Variants in OTUD7A observed in about 807,000 individuals in gnomAD.
OTUD7A encodes OTU domain-containing protein 7A.
A neutral mutation model predicts 65.7 loss-of-function variants in OTUD7A; 12 were observed. The ratio of observed to expected loss-of-function variants is 0.18; its 90% CI spans 0.12 to 0.30. The LOEUF (loss-of-function observed/expected upper bound fraction) is 0.30. Among genes scored for constraint, OTUD7A ranks in the 10% least tolerant of loss-of-function variants. OTUD7A has a pLI of 1.00. For synonymous variants in OTUD7A, 641 were observed against 586.3 expected (o/e 1.09, Z -1.35); for missense variants, 1,148 against 1,304.8 (o/e 0.88, Z 1.85).
At chr15:31,605,960 A>G (rs1890227705) in intron 3 of OTUD7A, among the ~76,000 whole-genome samples, 1 of 152,218 alleles carries the variant, frequency 6.6e-6, no homozygotes, top group Non-Finnish European at 1.5e-5. Flanking sequence ...AAATGCCAAC[A>G]TCAACAGGCC....
chr15:31,613,955 G>A (rs1890507084), intron 3 of OTUD7A, among the ~76,000 whole-genome samples: 1 of 152,134 alleles, frequency 6.6e-6, no homozygotes, highest in African/African-American at 2.4e-5. Context: ...ATACACAATG[G>A]AATATTACTC....
chr15:31,715,272 A>C, intron 1 of OTUD7A, among the ~76,000 whole-genome samples: 1 of 147,944 alleles, frequency 6.8e-6, no homozygotes, highest in Non-Finnish European at 1.5e-5. Flanking sequence ...TCGCTGTTCC[A>C]CCTCTGCAGC....
At chr15:31,869,552 T>C (rs1897969747) in intron 1 of OTUD7A, among the ~76,000 whole-genome samples, 1 of 152,260 alleles carries the variant, frequency 6.6e-6, no homozygotes, top group Admixed American at 6.5e-5. Flanking sequence ...ATGTCATACA[T>C]GACTTTCCCC....
chr15:31,855,811 T>G (rs1897557378), intron 1 of OTUD7A, among the ~76,000 whole-genome samples: 1 of 152,192 alleles, frequency 6.6e-6, no homozygotes, highest in African/African-American at 2.4e-5. Flanking sequence ...AAATGCAACA[T>G]TAATAAACAG....
At position 31,511,983 on chromosome 15, in the gene OTUD7A, C is replaced by T. The variant is rs560802752; in HGVS notation, c.894-8165G>A. Among the ~76,000 whole-genome samples, 8 of 152,158 alleles carry T rather than the reference C, an allele frequency of 5.3e-5. No individual in the cohort carries two copies. In the South Asian group the frequency reaches 1.7e-3, roughly 32 times the overall value. ...TTTTACCTTTTTTTAACCTTTAAGA[C>T]ATCCTGGCTAAGAAATATTTTACCA... On this transcript the variant is annotated intron_variant, in intron 8 of 12. Transcript: ENST00000307050.
intron 1 of OTUD7A, among the ~76,000 whole-genome samples, chr15:31,703,555 T>C (rs1325941918): frequency 6.6e-6 from 1 of 151,648 alleles, no homozygotes; most frequent in Non-Finnish European, 1.5e-5. Flanking sequence ...ACAGCAAAAA[T>C]AAAAAACAGT....
chr15:31,814,397 T>G (rs1567037368), intron 1 of OTUD7A, among the ~76,000 whole-genome samples: 1 of 152,170 alleles, frequency 6.6e-6, no homozygotes, highest in Non-Finnish European at 1.5e-5. Context: ...CCAACAGCAC[T>G]GATGATGACC....
At chr15:31,574,697 T>C (rs1252859478) in intron 3 of OTUD7A, among the ~76,000 whole-genome samples, 1 of 152,240 alleles carries the variant, frequency 6.6e-6, no homozygotes, top group Non-Finnish European at 1.5e-5. Context: ...CGCTTTGACA[T>C]CTTGGGGCCT....
chr15:31,805,595 T>C (rs1237608239), intron 1 of OTUD7A, among the ~76,000 whole-genome samples: 1 of 152,252 alleles, frequency 6.6e-6, no homozygotes, highest in South Asian at 2.1e-4. Context: ...TATTTGGAAC[T>C]GACAGATTTG....
chr15:31,516,903 G>T (rs917064194), intron 8 of OTUD7A, among the ~76,000 whole-genome samples: 1 of 152,188 alleles, frequency 6.6e-6, no homozygotes, highest in African/African-American at 2.4e-5. Context: ...CTTTGAACTT[G>T]CTTCCCATTG....
chr15:31,483,568 C>T lies in OTUD7A; in HGVS notation c.2528G>A (p.Gly843Asp). ...GGCCGCCCCCGCCGTCCCCGCCGCG[C>T]CCGGTAGGGCCCCGGGCACCGCGCG... ...LARAVPGALP[G>D]AAGTAGAAEH... Residue 843 changes from glycine (G) to aspartate (D), a missense_variant, in exon 13 of 13, where the codon GGC (glycine) becomes GAC (aspartate). Around this residue, in one of 6 missense-constraint regions of OTUD7A, gnomAD observed 842 missense variants for 769.5 expected, o/e 1.09. Coordinates refer to ENST00000307050, the MANE Select transcript of OTUD7A (RefSeq NM_001382637.1). 7.7e-7 allele frequency: 1 copy of T among 1,291,692 alleles called. No homozygotes were observed. Among genetic ancestry groups the T allele is most frequent in the East Asian group, 3.5e-5 (1 of 28,470 alleles). 80.0% of individuals were successfully genotyped at this position (1,291,692 alleles called of 1,614,324 possible).
chr15:31,767,186 T>C, intron 1 of OTUD7A: 1 of 1,147,608 alleles, frequency 8.7e-7, no homozygotes, highest in East Asian at 2.3e-5. Context: ...TCAAATTGTT[T>C]AAGTGAAGGA....
At chr15:31,755,009 G>C (rs935739625) in intron 1 of OTUD7A, among the ~76,000 whole-genome samples, 1 of 151,838 alleles carries the variant, frequency 6.6e-6, no homozygotes, top group East Asian at 1.9e-4. Context: ...GAGACAGAGA[G>C]AGAGAGAGAG....
intron 1 of OTUD7A, chr15:31,768,318 T>C (rs934921701): frequency 3.2e-6 from 2 of 630,534 alleles, no homozygotes; most frequent in African/African-American, 3.7e-5. Context: ...TTGTATAGCA[T>C]AGAGGGCTGC....
At chr15:31,801,234 G>A (rs1274698390) in intron 1 of OTUD7A, among the ~76,000 whole-genome samples, 2 of 152,198 alleles carry the variant, frequency 1.3e-5, no homozygotes, top group East Asian at 1.9e-4. Context: ...AGTCGGCCTC[G>A]AACCCCAGGC....
At chr15:31,785,002 C>T (rs574734317) in intron 1 of OTUD7A, among the ~76,000 whole-genome samples, 1 of 152,278 alleles carries the variant, frequency 6.6e-6, no homozygotes, top group Admixed American at 6.5e-5. Context: ...ATACAGATAA[C>T]ACGAACACAT....
intron 1 of OTUD7A, among the ~76,000 whole-genome samples, chr15:31,832,463 T>C: frequency 6.6e-6 from 1 of 152,172 alleles, no homozygotes; most frequent in East Asian, 1.9e-4. Flanking sequence ...ATATTATACA[T>C]AACATAAAAT....
At chr15:31,787,169 T>C (rs1454109581) in intron 1 of OTUD7A, among the ~76,000 whole-genome samples, 3 of 152,176 alleles carry the variant, frequency 2.0e-5, no homozygotes, top group Middle Eastern at 3.4e-3. Context: ...CTAGACACTG[T>C]TTTTCTGAAC....
At chr15:31,860,781 T>C (rs558644527) in intron 1 of OTUD7A, among the ~76,000 whole-genome samples, 3 of 147,050 alleles carry the variant, frequency 2.0e-5, no homozygotes, top group African/African-American at 7.5e-5. Flanking sequence ...TCTCGGCTCA[T>C]TGCAAGCTAC....
Sources: gnomAD v4.1 joint callset for allele counts (sites outside exome capture counted in the v4.1 genomes callset) on GRCh38, gnomAD v4.1.1 for gene constraint, gnomAD v4.1.1 regional missense constraint, MANE v1.5 for transcripts, NCBI Gene and HGNC (gene_info 2026-07-23, HGNC 2026-07-21) for gene names.